The following FCHO1 variants were observed in gnomAD, a reference collection of about 807,000 sequenced individuals.
FCHO1 encodes F-BAR domain only protein 1.
FCHO1 carries 45 observed loss-of-function variants against 114.4 expected under a neutral mutation model. The ratio of observed to expected loss-of-function variants is 0.39; its 90% CI spans 0.31 to 0.50. The LOEUF is 0.50. FCHO1 is among the 20% of genes least tolerant of loss of function. The pLI is 0.77. For missense variants in FCHO1, 1,042 were observed against 1,209.6 expected, an observed-to-expected ratio of 0.86 and a Z score of 2.06; for synonymous variants, 480 against 488.9, an observed-to-expected ratio of 0.98 and a Z score of 0.24.
intron 18 of FCHO1, 77 bp from the exon 19 acceptor site, chr19:17,778,060 C>A (rs1357980515): frequency 1.0e-5 from 10 of 978,716 alleles, no homozygotes; most frequent in African/African-American, 6.5e-5. Flanking sequence ...AGACTGGGAA[C>A]AGCATGTGCA....
chr19:17,778,327 C>T (rs1034145966), intron 19 of FCHO1, 99 bp downstream of exon 19: 26 of 1,005,288 alleles, frequency 2.6e-5, no homozygotes, highest in African/African-American at 7.9e-5. Context: ...GGAAGCCAGG[C>T]TGGAGGGAGG....
chr19:17,774,919 C>A (rs2147095656), intron 13 of FCHO1, 137 bp from the exon 14 acceptor site: 1 of 920,166 alleles, frequency 1.1e-6, no homozygotes, highest in East Asian at 2.4e-5. Flanking sequence ...CCCATGGTCC[C>A]ACCGCCTCTA....
Position 17,769,449 on chromosome 19 carries a change from G to A in FCHO1, c.337-976G>A, listed in dbSNP as rs557328120. ...AGAAAAATTAGCCGGGCGTGGTGGC[G>A]GCGCCTGTAGTCTCAGCTACTCAGG... On this transcript the variant is annotated intron_variant, in intron 7 of 28. Coordinates refer to ENST00000596536, the MANE Select transcript of FCHO1 (RefSeq NM_015122.3). 6.4e-4 allele frequency among the ~76,000 whole-genome samples: 96 copies of A among 150,190 alleles called. 1 individual carries two copies. Among genetic ancestry groups the A allele is most frequent in the African/African-American group, 2.3e-3 (92 of 40,840 alleles).
At chr19:17,762,540 T>C (rs2086731861) in intron 4 of FCHO1, among the ~76,000 whole-genome samples, 1 of 151,992 alleles carries the variant, frequency 6.6e-6, no homozygotes, top group African/African-American at 2.4e-5. Flanking sequence ...CCAGCAACTA[T>C]AGGACAAAAA....
rs558372932 is a variant in FCHO1, at chr19:17,786,727, C to T, written c.2482+98C>T. The T allele has an allele frequency of 1.6e-4, 215 of 1,339,842 alleles. No individual in the cohort carries two copies. In the African/African-American group the frequency reaches 2.4e-3, roughly 15 times the overall value. 83.0% of individuals were successfully genotyped at this position (1,339,842 alleles called of 1,614,324 possible). A position where few individuals can be genotyped will look rare whatever the true frequency, so the allele number is the denominator to read the frequency against. On this transcript the variant is annotated intron_variant, in intron 27 of 28. Coordinates refer to ENST00000596536, the MANE Select transcript of FCHO1 (RefSeq NM_015122.3). ...GGAAGAATTGGGGACATACTGAGGG[C>T]GGGCAAGTATGGGCATTGAGGAAGT... is the stretch of plus-strand genomic sequence containing the variant.
At position 17,778,603 on chromosome 19, in the gene FCHO1, C is replaced by A. The variant is rs769252667; in HGVS notation, c.1352-6C>A. Reference sequence around the variant, plus strand: ...TCGGAGCTGACCGCCCGCTTCCCTCCCCAAGGCTCTAGCAGCCTGGGCTTC... The same window carrying A: ...TCGGAGCTGACCGCCCGCTTCCCTCACCAAGGCTCTAGCAGCCTGGGCTTC... On this transcript the variant is annotated splice_polypyrimidine_tract_variant and splice_region_variant and intron_variant, in intron 19 of 28. Coordinates refer to ENST00000596536, the MANE Select transcript of FCHO1 (RefSeq NM_015122.3). 1 of 1,543,602 alleles carries A rather than the reference C, an allele frequency of 6.5e-7. No homozygotes were observed. Among genetic ancestry groups the A allele is most frequent in the Non-Finnish European group, 8.7e-7 (1 of 1,143,256 alleles).
intron 9 of FCHO1, among the ~76,000 whole-genome samples, chr19:17,771,708 A>T (rs2091618709): frequency 6.6e-6 from 1 of 152,148 alleles, no homozygotes; most frequent in Non-Finnish European, 1.5e-5. Context: ...AATTTAAAAA[A>T]ACTGACAAGC....
chr19:17,788,227 G>A (rs1295094228), intron 28 of FCHO1, 57 bp from the exon 29 acceptor site: 29 of 1,176,240 alleles, frequency 2.5e-5, no homozygotes, highest in Non-Finnish European at 3.6e-5. Context: ...CAGAGCCGGG[G>A]AACCCCTCCC....
At chr19:17,766,582 G>A (rs2089260793) in intron 6 of FCHO1, 87 bp from the exon 7 acceptor site, 4 of 1,529,130 alleles carry the variant, frequency 2.6e-6, no homozygotes, top group South Asian at 2.3e-5. Flanking sequence ...AGGGCTCAGC[G>A]TGCAGCACAT....
chr19:17,756,404 ATTTTAAATCC>A, intron 4 of FCHO1, among the ~76,000 whole-genome samples: 1 of 152,308 alleles, frequency 6.6e-6, no homozygotes, highest in Admixed American at 6.5e-5. Context: ...ACCTACATTT[ATTTTAAATCC>A]TTTTTAATTG....
At chr19:17,770,282 C>G in intron 7 of FCHO1, 143 bp from the exon 8 acceptor site, 2 of 760,010 alleles carry the variant, frequency 2.6e-6, no homozygotes, top group Non-Finnish European at 4.0e-6. Context: ...GCCTGGACAA[C>G]AAGAGCGAAA....
rs1568353985 is a variant in FCHO1, at chr19:17,775,031, C to T, written c.921-25C>T. 1.2e-6 allele frequency: 2 copies of T among 1,613,316 alleles called. No homozygotes were observed. The highest frequency in any genetic ancestry group is 2.7e-5 in the African/African-American group (2 of 74,886). On this transcript the variant is annotated intron_variant, in intron 13 of 28. Coordinates refer to ENST00000596536, the MANE Select transcript of FCHO1 (RefSeq NM_015122.3). This position sits in a 1 kb window ranked among gnomAD's most constrained non-coding sequence, Gnocchi z 5.1. The stretch of plus-strand genomic sequence containing the variant: ...ACCAGATGGGCTGCGGAAGCTGACA[C>T]CAACATCTCTTCCTCCATCCCCAGA...
chr19:17,753,507 GTC>G (rs1350234736), intron 1 of FCHO1, among the ~76,000 whole-genome samples: 1 of 152,174 alleles, frequency 6.6e-6, no homozygotes, highest in Non-Finnish European at 1.5e-5. Flanking sequence ...GTCCAGCTCT[GTC>G]TCTCTAGACT....
chr19:17,760,381 G>A (rs2085623260), intron 4 of FCHO1, among the ~76,000 whole-genome samples: 1 of 151,978 alleles, frequency 6.6e-6, no homozygotes, highest in Non-Finnish European at 1.5e-5. Flanking sequence ...CAGCTTAGTA[G>A]TGTTCAGGCA....
upstream of FCHO1, among the ~76,000 whole-genome samples, chr19:17,750,900 C>G (rs1026365181): frequency 3.4e-5 from 5 of 148,028 alleles, no homozygotes; most frequent in Admixed American, 6.7e-5. Flanking sequence ...TCTCGGCTCA[C>G]TGCAACCTCT....
At position 17,778,908 on chromosome 19, in the gene FCHO1, G is replaced by C. The variant is rs781336725; in HGVS notation, c.1627+24G>C. ...AGGTGAGTCCAGCGGGCCTGGGCCT[G>C]AGAGTTGCTGGAACCCTGGGCGGGG... On this transcript the variant is annotated intron_variant, in intron 20 of 28. Coordinates refer to ENST00000596536, the MANE Select transcript of FCHO1 (RefSeq NM_015122.3). 29 of 1,513,024 alleles carry C rather than the reference G, an allele frequency of 1.9e-5. No homozygotes were observed. The African/African-American group carries it at 3.0e-4, about 16-fold the overall frequency. 93.7% of individuals were successfully genotyped at this position (1,513,024 alleles called of 1,614,324 possible).
At position 17,787,774 on chromosome 19, in the gene FCHO1, C is replaced by G; in HGVS notation, c.2575C>G (p.Leu859Val). The G allele has an allele frequency of 2.5e-6, 4 of 1,611,686 alleles. No individual in the cohort carries two copies. The highest frequency in any genetic ancestry group is 3.4e-6 in the Non-Finnish European group (4 of 1,179,352). Residue 859 changes from leucine (L) to valine (V), a missense_variant, in exon 28 of 29, where the codon CTG (leucine) becomes GTG (valine). Physicochemically the swap from Leu to Val is conservative, Grantham distance 32 (BLOSUM62 1). This residue lies in a region of FCHO1 where 137 missense variants were observed against 190.0 expected (regional missense o/e 0.72). Transcript: ENST00000596536. ...ACAGTTCACCAGCGAGGGGACCACTCTGTCGGGCGTGGACTTGGAACTGGT... is the reference window on the plus strand; with the variant it reads ...ACAGTTCACCAGCGAGGGGACCACTGTGTCGGGCGTGGACTTGGAACTGGT... ...AAQFTSEGTT[L>V]SGVDLELVGS...
rs374251080 is a variant in FCHO1, at chr19:17,784,228, G to A, written c.2219G>A (p.Arg740Gln). ...TCCTACTACAACGTGGTGCTGCTGC[G>A]ATACCAGGTGCGCCACCCGCATGGG... ...TASYYNVVLL[R>Q]YQFSRPGPQS... The change falls in exon 25 of 29, where the codon CGA becomes CAA. Residue 740 changes from arginine (R) to glutamine (Q), a missense_variant. Arg to Gln is a conservative substitution (Grantham distance 43). Around this residue, in one of 3 missense-constraint regions of FCHO1, gnomAD observed 455 missense variants for 455.4 expected, o/e 1.00. Transcript: ENST00000596536. This position sits in a 1 kb window ranked among gnomAD's most constrained non-coding sequence, Gnocchi z 5.3. 33 of 1,605,468 alleles carry A rather than the reference G, an allele frequency of 2.1e-5. No homozygotes were observed. Among genetic ancestry groups the A allele is most frequent in the African/African-American group, 9.4e-5 (7 of 74,718 alleles).
At chr19:17,782,081 C>T (rs1359135224) in intron 23 of FCHO1, among the ~76,000 whole-genome samples, 2 of 151,212 alleles carry the variant, frequency 1.3e-5, no homozygotes, top group African/African-American at 4.9e-5. Flanking sequence ...GCAATCTCAG[C>T]TCACTGCAAC....
Sources: allele counts gnomAD v4.1 joint callset (sites outside exome capture counted in the v4.1 genomes callset), GRCh38; gene constraint gnomAD v4.1.1; regional missense constraint gnomAD v4.1.1; non-coding constraint Gnocchi (gnomAD v3.1); transcripts MANE v1.5; gene names NCBI Gene and HGNC (gene_info 2026-07-23, HGNC 2026-07-21).